The following CLASP2 variants were observed in gnomAD, a reference collection of about 807,000 sequenced individuals.
CLASP2 encodes the protein cytoplasmic linker associated protein 2.
CLASP2 carries 47 observed loss-of-function variants against 194.4 expected under a neutral mutation model. The ratio of observed to expected loss-of-function variants is 0.24; its 90% CI spans 0.19 to 0.31. The LOEUF is 0.31. CLASP2 is among the 10% of genes least tolerant of loss of function. The probability of loss-of-function intolerance (pLI) is 1.00; values close to 1 mark genes in which losing one functional copy is unlikely to be tolerated. For missense variants in CLASP2, 1,445 were observed against 1,823.6 expected, an observed-to-expected ratio of 0.79 and a Z score of 3.78; for synonymous variants, 619 against 633.5, an observed-to-expected ratio of 0.98 and a Z score of 0.34.
intron 7 of CLASP2, among the ~76,000 whole-genome samples, chr3:33,663,150 G>A (rs1299143648): frequency 5.5e-5 from 8 of 145,784 alleles, no homozygotes; most frequent in African/African-American, 2.0e-4. Context: ...GGGCAAGAAG[G>A]TCATCATACC....
chr3:33,573,124 A>G lies in CLASP2; in HGVS notation c.2685T>C (p.Asn895=), dbSNP rs1298398568. Residue 895 remains asparagine (N), a synonymous_variant, in exon 25 of 39, where the codon AAT becomes AAC. Coordinates refer to ENST00000682230, the MANE Select transcript of CLASP2 (RefSeq NM_001365631.1). ...ACGCATCTCACCTTAGTGTTCTCTGATTTTTTAATAAGTTCTGCAGACCTA... is the reference window on the plus strand; with the variant it reads ...ACGCATCTCACCTTAGTGTTCTCTGGTTTTTTAATAAGTTCTGCAGACCTA... ...GLLGLQNLLK[N]QRTLSRVELK... is the part of the protein sequence containing the mutation. 7 of 1,613,678 alleles carry G rather than the reference A, an allele frequency of 4.3e-6. No individual in the cohort carries two copies. The highest frequency in any genetic ancestry group is 5.1e-6 in the Non-Finnish European group (6 of 1,179,716).
chr3:33,541,998 C>T (rs2058446320), intron 32 of CLASP2, among the ~76,000 whole-genome samples: 1 of 152,108 alleles, frequency 6.6e-6, no homozygotes, highest in Non-Finnish European at 1.5e-5. Flanking sequence ...TTGCCAGCAT[C>T]TGTTATTTTT....
intron 2 of CLASP2, among the ~76,000 whole-genome samples, chr3:33,695,423 T>C (rs192453521): frequency 2.2e-4 from 34 of 151,788 alleles, no homozygotes; most frequent in Non-Finnish European, 5.9e-5. Flanking sequence ...TCAGAAAATA[T>C]TAACACAAAG....
At chr3:33,712,734 G>A (rs1318437056) in intron 1 of CLASP2, among the ~76,000 whole-genome samples, 2 of 152,098 alleles carry the variant, frequency 1.3e-5, no homozygotes, top group Non-Finnish European at 2.9e-5. Flanking sequence ...AGGCCAAGGC[G>A]GGTGGATCAT....
intron 1 of CLASP2, among the ~76,000 whole-genome samples, chr3:33,704,142 A>C (rs763314336): frequency 6.6e-6 from 1 of 152,238 alleles, no homozygotes; most frequent in African/African-American, 2.4e-5. Context: ...ACTATTCTGC[A>C]TAATACTATA....
chr3:33,505,522 C>T (rs2047937140), intron 37 of CLASP2: 1 of 152,152 alleles, frequency 6.6e-6, no homozygotes, highest in Non-Finnish European at 1.5e-5. Flanking sequence ...GTAGGAAGCT[C>T]CAAGAATTGA....
At chr3:33,514,910 G>A (rs1010782607) in intron 36 of CLASP2, among the ~76,000 whole-genome samples, 1 of 151,854 alleles carries the variant, frequency 6.6e-6, no homozygotes, top group Admixed American at 6.6e-5. Flanking sequence ...ATGAAATAAT[G>A]GCATCCACAG....
intron 38 of CLASP2, among the ~76,000 whole-genome samples, chr3:33,500,101 C>G (rs145917467): frequency 1.3e-5 from 2 of 151,960 alleles, no homozygotes; most frequent in South Asian, 4.2e-4. Flanking sequence ...GGTGTGATCA[C>G]GGCTCACTGC....
At chr3:33,539,397 T>G (rs987079425) in intron 32 of CLASP2, among the ~76,000 whole-genome samples, 4 of 152,206 alleles carry the variant, frequency 2.6e-5, no homozygotes, top group Admixed American at 6.5e-5. Flanking sequence ...TGTGATGGCG[T>G]GATCTCAGCT....
chr3:33,714,866 C>A (rs879410852), intron 1 of CLASP2, among the ~76,000 whole-genome samples: 1 of 152,136 alleles, frequency 6.6e-6, no homozygotes. Context: ...TAAGCCACCA[C>A]GCCCAGTTAC....
chr3:33,698,965 C>T (rs1305012485), intron 1 of CLASP2, among the ~76,000 whole-genome samples: 4 of 152,088 alleles, frequency 2.6e-5, no homozygotes, highest in Non-Finnish European at 5.9e-5. Context: ...AGTAAATGTT[C>T]TAGTTAAAAG....
At chr3:33,668,709 C>T (rs2086626414) in intron 6 of CLASP2, among the ~76,000 whole-genome samples, 1 of 152,170 alleles carries the variant, frequency 6.6e-6, no homozygotes, top group African/African-American at 2.4e-5. Flanking sequence ...AAAAGCAAAG[C>T]TCACGTACCC....
At chr3:33,556,966 CCT>C (rs1333408293) in intron 29 of CLASP2, among the ~76,000 whole-genome samples, 1 of 151,792 alleles carries the variant, frequency 6.6e-6, no homozygotes, top group Non-Finnish European at 1.5e-5. Flanking sequence ...ACTATCAACC[CCT>C]TATTTTTATT....
intron 10 of CLASP2, among the ~76,000 whole-genome samples, chr3:33,623,584 T>C (rs533358244): frequency 6.5e-4 from 99 of 152,134 alleles, no homozygotes; most frequent in Non-Finnish European, 9.9e-4. Context: ...GTTCCATCCA[T>C]GTTGTTGCAA....
chr3:33,623,222 T>C (rs1293094515), intron 10 of CLASP2, among the ~76,000 whole-genome samples: 1 of 152,228 alleles, frequency 6.6e-6, no homozygotes, highest in Non-Finnish European at 1.5e-5. Flanking sequence ...TCAGGGTAAC[T>C]GGGGTATCCA....
In CLASP2 at chr3:33,563,268, ACTG is replaced by A. The variant is rs138368701; in HGVS notation, c.2767-2300_2767-2298del. 5.0e-3 allele frequency among the ~76,000 whole-genome samples: 763 copies of A among 152,300 alleles called. 3 individuals are homozygous for A. Among genetic ancestry groups the A allele is most frequent in the Middle Eastern group, 0.02 (6 of 294 alleles). On this transcript the variant is annotated intron_variant, in intron 27 of 38. Coordinates refer to ENST00000682230, the MANE Select transcript of CLASP2 (RefSeq NM_001365631.1). ...ATGTTTGGCCGTTCTGTAACTTGACACTGCTTTCCTCTTACTTCCCTTCTTTCT... is the reference window on the plus strand; with the variant it reads ...ATGTTTGGCCGTTCTGTAACTTGACACTTTCCTCTTACTTCCCTTCTTTCT...
intron 34 of CLASP2, among the ~76,000 whole-genome samples, chr3:33,525,351 A>ACAT (rs997656715): frequency 1.1e-4 from 16 of 152,200 alleles, no homozygotes; most frequent in Non-Finnish European, 1.9e-4. Flanking sequence ...TAGCTAGTGT[A>ACAT]CATGGCTCTC....
chr3:33,622,906 T>C (rs536710373), intron 10 of CLASP2, among the ~76,000 whole-genome samples: 1 of 151,380 alleles, frequency 6.6e-6, no homozygotes, highest in African/African-American at 2.5e-5. Context: ...CCTCCCAGGT[T>C]TGAGTGGTTT....
At chr3:33,628,757 C>T (rs573910538) in intron 9 of CLASP2, among the ~76,000 whole-genome samples, 4 of 152,028 alleles carry the variant, frequency 2.6e-5, no homozygotes, top group African/African-American at 7.2e-5. Flanking sequence ...AACGTGGGAA[C>T]TGAAGCCAGG....
Sources: allele counts gnomAD v4.1 joint callset (sites outside exome capture counted in the v4.1 genomes callset), GRCh38; gene constraint gnomAD v4.1.1; transcripts MANE v1.5; gene names NCBI Gene and HGNC (gene_info 2026-07-23, HGNC 2026-07-21).